The following ZNF573 variants were observed in gnomAD, a reference collection of about 807,000 sequenced individuals.
ZNF573 encodes the protein zinc finger protein 573.
ZNF573 carries 41 observed loss-of-function variants against 57.4 expected under a neutral mutation model. The ratio of observed to expected loss-of-function variants is 0.71; its 90% CI spans 0.56 to 0.93. The LOEUF (loss-of-function observed/expected upper bound fraction) is 0.93, where lower values mean the gene tolerates loss of function less well. Ranked by LOEUF, ZNF573 falls within the 40% of genes least tolerant of loss-of-function variation. The pLI, the probability that ZNF573 is intolerant of heterozygous loss-of-function variation, is 0.00. For synonymous variants in ZNF573, 249 were observed against 261.0 expected (o/e 0.95, Z 0.44); for missense variants, 730 against 794.8 (o/e 0.92, Z 0.98).
In ZNF573 at chr19:37,739,814, C is replaced by A; in HGVS notation, c.676G>T (p.Ala226Ser). 6.2e-7 allele frequency: 1 copy of A among 1,613,836 alleles called. No homozygotes were observed. Among genetic ancestry groups the A allele is most frequent in the Non-Finnish European group, 8.5e-7 (1 of 1,179,812 alleles). ...KTYECRQCGK[A>S]FIYASHIVQH... ...ACAATGTGTGAGGCATATATAAAGG[C>A]CTTCCCACACTGCCTACATTCATAG... is the stretch of plus-strand genomic sequence containing the variant. The change falls in exon 5 of 5, where the codon GCC (alanine) becomes TCC (serine). Residue 226 changes from alanine (A) to serine (S), a missense_variant. Coordinates refer to ENST00000536220, the MANE Select transcript of ZNF573 (RefSeq NM_001172690.2).
chr19:37,772,546 T>C (rs1306078145), intron 2 of ZNF573, among the ~76,000 whole-genome samples: 2 of 152,208 alleles, frequency 1.3e-5, no homozygotes. Context: ...TTGACAAATA[T>C]ATTTTTTATT....
At chr19:37,773,526 C>T in intron 2 of ZNF573, 135 bp downstream of exon 2, 3 of 605,846 alleles carry the variant, frequency 5.0e-6, no homozygotes, top group South Asian at 2.2e-5. Context: ...TTTGCTATCA[C>T]TATTCACAAT....
chr19:37,753,235 T>C (rs888147149), intron 4 of ZNF573, among the ~76,000 whole-genome samples: 4 of 152,182 alleles, frequency 2.6e-5, no homozygotes, highest in African/African-American at 9.6e-5. Context: ...TATTTTAATT[T>C]TTGTGGGTAC....
At chr19:37,752,444 C>T (rs2045447280) in intron 4 of ZNF573, among the ~76,000 whole-genome samples, 1 of 151,992 alleles carries the variant, frequency 6.6e-6, no homozygotes, top group Non-Finnish European at 1.5e-5. Context: ...AGTATTGATA[C>T]CTCCTATTAT....
At position 37,773,658 on chromosome 19, in the gene ZNF573, T is replaced by C; in HGVS notation, c.69+3A>G. On this transcript the variant is annotated splice_donor_region_variant and intron_variant, in intron 2 of 4. Coordinates refer to ENST00000536220, the MANE Select transcript of ZNF573 (RefSeq NM_001172690.2). ...TGCAAGGAAACAGAATTAATCAACTTACACAGGTCATGGTTTTAGAATTGT... is the reference window on the plus strand; with the variant it reads ...TGCAAGGAAACAGAATTAATCAACTCACACAGGTCATGGTTTTAGAATTGT... The C allele has an allele frequency of 6.5e-7, 1 of 1,534,412 alleles. No individual in the cohort carries two copies. The highest frequency in any genetic ancestry group is 8.7e-7 in the Non-Finnish European group (1 of 1,145,580).
At chr19:37,764,762 C>T (rs1328267752) in intron 4 of ZNF573, among the ~76,000 whole-genome samples, 1 of 151,002 alleles carries the variant, frequency 6.6e-6, no homozygotes, top group Non-Finnish European at 1.5e-5. Flanking sequence ...CGCCACCACG[C>T]CCGACAAACT....
chr19:37,750,109 G>C (rs2045419132), intron 4 of ZNF573, among the ~76,000 whole-genome samples: 2 of 149,252 alleles, frequency 1.3e-5, no homozygotes, highest in South Asian at 4.2e-4. Context: ...TTGAGATGGA[G>C]TCTCCCTTTG....
intron 2 of ZNF573, among the ~76,000 whole-genome samples, chr19:37,772,622 G>A (rs1408416792): frequency 1.3e-5 from 2 of 150,012 alleles, no homozygotes; most frequent in East Asian, 2.0e-4. Flanking sequence ...CTTTTACCTC[G>A]TGTACATTTT....
At chr19:37,764,061 CTCA>C (rs199722775) in intron 4 of ZNF573, among the ~76,000 whole-genome samples, 69 of 59,896 alleles carry the variant, frequency 1.2e-3, no homozygotes, top group Non-Finnish European at 9.9e-4. Context: ...GAAACTCTGC[CTCA>C]AAAAAAAAAA....
intron 4 of ZNF573, among the ~76,000 whole-genome samples, chr19:37,761,537 T>A (rs2045553050): frequency 6.6e-6 from 1 of 152,196 alleles, no homozygotes. Flanking sequence ...AACTTTCCCC[T>A]GCCTTTTTGG....
intron 1 of ZNF573, chr19:37,778,603 A>C (rs1377462896): frequency 6.6e-6 from 1 of 152,044 alleles, no homozygotes; most frequent in Non-Finnish European, 1.5e-5. Context: ...CAGATGAAGT[A>C]AAACATACTC....
intron 4 of ZNF573, among the ~76,000 whole-genome samples, chr19:37,755,683 A>G (rs2045480901): frequency 6.6e-6 from 1 of 152,198 alleles, no homozygotes; most frequent in Non-Finnish European, 1.5e-5. Flanking sequence ...GAGATCAAAA[A>G]AGAATGAAAA....
chr19:37,741,291 G>C (rs1200493381), intron 4 of ZNF573, among the ~76,000 whole-genome samples: 1 of 152,052 alleles, frequency 6.6e-6, no homozygotes, highest in African/African-American at 2.4e-5. Flanking sequence ...TCAAGACAGA[G>C]TCTTGCTCTG....
At chr19:37,756,213 G>C (rs1234949058) in intron 4 of ZNF573, among the ~76,000 whole-genome samples, 1 of 152,162 alleles carries the variant, frequency 6.6e-6, no homozygotes. Flanking sequence ...GAGATCTTTA[G>C]ATCACTTAAT....
intron 4 of ZNF573, among the ~76,000 whole-genome samples, chr19:37,749,147 TA>T (rs1447159182): frequency 9.9e-5 from 15 of 152,002 alleles, no homozygotes; most frequent in African/African-American, 3.6e-4. Context: ...AGGTGAAATT[TA>T]ATGACAACTG....
At chr19:37,740,277 A>G in intron 4 of ZNF573, 83 bp from the exon 5 acceptor site, 1 of 1,287,236 alleles carries the variant, frequency 7.8e-7, no homozygotes, top group Non-Finnish European at 1.1e-6. Flanking sequence ...AAAAACCAAC[A>G]TTCATAATAA....
intron 4 of ZNF573, among the ~76,000 whole-genome samples, chr19:37,758,261 A>G (rs2045515238): frequency 1.0e-5 from 1 of 95,964 alleles, no homozygotes; most frequent in Non-Finnish European, 1.9e-5. Context: ...ATATATATAT[A>G]TATAAAATTA....
chr19:37,761,838 T>G (rs865967641), intron 4 of ZNF573, among the ~76,000 whole-genome samples: 2 of 152,368 alleles, frequency 1.3e-5, no homozygotes, highest in Admixed American at 6.5e-5. Context: ...TAAAGGCTCC[T>G]GTGTCATGAA....
intron 4 of ZNF573, among the ~76,000 whole-genome samples, chr19:37,750,831 C>CAAAAAA (rs537735677): frequency 1.0e-5 from 1 of 98,226 alleles, no homozygotes; most frequent in Non-Finnish European, 1.9e-5. Context: ...GACCCAGTCT[C>CAAAAAA]AAAAAAAAAA....
Sources: allele counts gnomAD v4.1 joint callset (sites outside exome capture counted in the v4.1 genomes callset), GRCh38; gene constraint gnomAD v4.1.1; transcripts MANE v1.5; gene names NCBI Gene and HGNC (gene_info 2026-07-23, HGNC 2026-07-21).